The following MAF variants were observed in gnomAD, a reference collection of about 807,000 sequenced individuals.
MAF encodes MAF bZIP transcription factor.
In MAF, 10 loss-of-function variants were observed where a neutral mutation model predicts 22.0. The ratio of observed to expected loss-of-function variants is 0.45; its 90% CI spans 0.28 to 0.77. The LOEUF (loss-of-function observed/expected upper bound fraction) is 0.77, where lower values mean the gene tolerates loss of function less well. Among genes scored for constraint, MAF ranks in the 30% least tolerant of loss-of-function variants. The pLI is 0.12. For synonymous variants in MAF, 337 were observed against 255.8 expected (o/e 1.32, Z -3.03); for missense variants, 544 against 548.4 (o/e 0.99, Z 0.08).
At chr16:79,568,027 A>C in the MAF span, among the ~76,000 whole-genome samples, 90,280 of 152,076 alleles carry the variant, frequency 0.59, 27,390 homozygotes, top group Non-Finnish European at 0.66. Context: ...AGAATAAATA[A>C]GCTGCATCTT....
At chr16:79,313,659 A>T in the MAF span, among the ~76,000 whole-genome samples, 1 of 152,140 alleles carries the variant, frequency 6.6e-6, no homozygotes, top group Non-Finnish European at 1.5e-5. Context: ...GCATCCCCCA[A>T]GGCCTTGGGT....
the MAF span, among the ~76,000 whole-genome samples, chr16:79,533,166 A>G: frequency 2.0e-5 from 3 of 152,186 alleles, no homozygotes; most frequent in Non-Finnish European, 4.4e-5. Context: ...ACATTAGCCA[A>G]GAAATTATTT....
At chr16:79,467,331 T>A in the MAF span, among the ~76,000 whole-genome samples, 1 of 152,298 alleles carries the variant, frequency 6.6e-6, no homozygotes, top group East Asian at 1.9e-4. Context: ...CACACCCTTC[T>A]AGATGGGAAT....
chr16:79,400,520 G>C, the MAF span, among the ~76,000 whole-genome samples: 2 of 152,182 alleles, frequency 1.3e-5, no homozygotes, highest in African/African-American at 4.8e-5. Flanking sequence ...TATACTTCTG[G>C]GGAGCTCTTT....
rs998674991 is a variant in MAF, at chr16:79,596,681, T to C, written c.1118+2104A>G. 5.6e-5 allele frequency: 58 copies of C among 1,037,926 alleles called. 1 individual carries two copies. The East Asian group carries it at 3.3e-3, about 59-fold the overall frequency. 64.3% of individuals were successfully genotyped at this position (1,037,926 alleles called of 1,614,324 possible). On this transcript the variant is annotated intron_variant, in intron 1 of 1. Coordinates refer to ENST00000326043, the MANE Select transcript of MAF (RefSeq NM_005360.5). ...TTATTGTGGTAAGATTTACTTTTCA[T>C]TTCTTTTTAAAGACAGGATGTCAGT...
At chr16:79,475,497 G>C in the MAF span, among the ~76,000 whole-genome samples, 1 of 151,922 alleles carries the variant, frequency 6.6e-6, no homozygotes, top group Non-Finnish European at 1.5e-5. Flanking sequence ...ATTTTCAAAT[G>C]TCTGTGTATA....
chr16:79,329,416 C>A, the MAF span, among the ~76,000 whole-genome samples: 1 of 152,222 alleles, frequency 6.6e-6, no homozygotes, highest in African/African-American at 2.4e-5. Context: ...TTTCACAACA[C>A]CGGTATCTGG....
At chr16:79,456,840 G>A in the MAF span, among the ~76,000 whole-genome samples, 1 of 152,086 alleles carries the variant, frequency 6.6e-6, no homozygotes, top group African/African-American at 2.4e-5. Flanking sequence ...CCTTGAATAT[G>A]TAACAACCCT....
chr16:79,578,644 G>C, the MAF span, among the ~76,000 whole-genome samples: 1 of 152,204 alleles, frequency 6.6e-6, no homozygotes, highest in East Asian at 1.9e-4. Context: ...TATTAGAGAA[G>C]CTTTGACACA....
chr16:79,540,917 T>TTAAA, the MAF span, among the ~76,000 whole-genome samples: 1 of 151,842 alleles, frequency 6.6e-6, no homozygotes, highest in Non-Finnish European at 1.5e-5. Context: ...ACTTTTACCA[T>TTAAA]TAATACGATT....
At chr16:79,247,545 G>A in the MAF span, among the ~76,000 whole-genome samples, 2 of 151,954 alleles carry the variant, frequency 1.3e-5, no homozygotes, top group African/African-American at 4.8e-5. Context: ...CTGGCATTAG[G>A]GTTTTTGCCA....
chr16:79,248,987 G>A, the MAF span, among the ~76,000 whole-genome samples: 5 of 152,052 alleles, frequency 3.3e-5, no homozygotes, highest in Non-Finnish European at 7.4e-5. Context: ...CTTAACCCCT[G>A]CTGTGATTTA....
the MAF span, among the ~76,000 whole-genome samples, chr16:79,270,817 C>T: frequency 6.6e-6 from 1 of 152,020 alleles, no homozygotes; most frequent in East Asian, 1.9e-4. Flanking sequence ...CATGCACTGA[C>T]CACAACCCTA....
chr16:79,400,757 C>A, the MAF span, among the ~76,000 whole-genome samples: 1 of 152,256 alleles, frequency 6.6e-6, no homozygotes, highest in African/African-American at 2.4e-5. Flanking sequence ...GGAGCCAGGA[C>A]TCCTGGCGCC....
the MAF span, among the ~76,000 whole-genome samples, chr16:79,513,728 A>T: frequency 0.026 from 3,942 of 152,278 alleles, 157 homozygotes; most frequent in African/African-American, 0.086. Context: ...GTGGGAAATA[A>T]ATGAAACATA....
chr16:79,331,336 C>T, the MAF span, among the ~76,000 whole-genome samples: 5 of 152,320 alleles, frequency 3.3e-5, no homozygotes, highest in African/African-American at 1.2e-4. Context: ...GAAATGGCTT[C>T]AGAGAAACCT....
the MAF span, among the ~76,000 whole-genome samples, chr16:79,526,958 T>A: frequency 2.6e-5 from 4 of 152,218 alleles, no homozygotes; most frequent in Non-Finnish European, 5.9e-5. Context: ...TGTAAAGTTA[T>A]ATAATTTAAT....
At chr16:79,343,911 G>A in the MAF span, among the ~76,000 whole-genome samples, 1 of 152,120 alleles carries the variant, frequency 6.6e-6, no homozygotes, top group African/African-American at 2.4e-5. Context: ...AGCAAAACTG[G>A]ACTTCCTAGG....
chr16:79,557,978 T>C, the MAF span, among the ~76,000 whole-genome samples: 1 of 151,938 alleles, frequency 6.6e-6, no homozygotes, highest in Non-Finnish European at 1.5e-5. Context: ...GCAGTGAATG[T>C]CTGAGGCAGC....
Sources: allele counts gnomAD v4.1 joint callset (sites outside exome capture counted in the v4.1 genomes callset), GRCh38; gene constraint gnomAD v4.1.1; transcripts MANE v1.5; gene names NCBI Gene and HGNC (gene_info 2026-07-23, HGNC 2026-07-21).